The following RMI1 variants were observed in gnomAD, a reference collection of about 807,000 sequenced individuals.
RMI1 encodes RecQ mediated genome instability 1.
RMI1 carries 36 observed loss-of-function variants against 46.7 expected under a neutral mutation model. The observed-to-expected ratio is 0.77, with a 90% CI of 0.59 to 1.02. The LOEUF (loss-of-function observed/expected upper bound fraction) is 1.02, where lower values mean the gene tolerates loss of function less well. RMI1 is among the 50% of genes least tolerant of loss of function. The pLI is 0.00. For missense variants in RMI1, 676 were observed against 713.7 expected, an observed-to-expected ratio of 0.95 and a Z score of 0.60; for synonymous variants, 250 against 252.9, an observed-to-expected ratio of 0.99 and a Z score of 0.11.
intron 1 of RMI1, among the ~76,000 whole-genome samples, chr9:83,993,589 A>T (rs1347399008): frequency 6.6e-6 from 1 of 152,104 alleles, no homozygotes; most frequent in East Asian, 1.9e-4. Flanking sequence ...ACCATTTTAT[A>T]ATAATATTAA....
intron 1 of RMI1, among the ~76,000 whole-genome samples, chr9:83,986,179 C>T (rs1428732190): frequency 2.0e-5 from 3 of 152,192 alleles, no homozygotes; most frequent in Non-Finnish European, 4.4e-5. Flanking sequence ...AAAAGTAGTA[C>T]TTAACCGCAG....
At chr9:83,985,975 C>T (rs1017587868) in intron 1 of RMI1, among the ~76,000 whole-genome samples, 2 of 152,056 alleles carry the variant, frequency 1.3e-5, no homozygotes, top group Non-Finnish European at 2.9e-5. Context: ...CACCACCGCA[C>T]TCCAGCCTGG....
intron 1 of RMI1, among the ~76,000 whole-genome samples, chr9:83,983,611 A>T (rs890715014): frequency 2.0e-5 from 3 of 151,390 alleles, no homozygotes; most frequent in Non-Finnish European, 4.4e-5. Flanking sequence ...GCTTTTTATT[A>T]AAAAAAAATT....
intron 2 of RMI1, among the ~76,000 whole-genome samples, chr9:84,000,244 C>T (rs1011887235): frequency 6.6e-6 from 1 of 152,024 alleles, no homozygotes; most frequent in Non-Finnish European, 1.5e-5. Flanking sequence ...TCCCTTTCTC[C>T]GTGGTTTTGC....
Position 84,003,811 on chromosome 9 carries a change from G to A in RMI1, c.*947G>A. The A allele has an allele frequency of 6.0e-6, 1 of 167,020 alleles. No individual in the cohort carries two copies. The allele number at this position is 167,020 out of a possible 1,614,324, so 10.3% of individuals were successfully genotyped here. On this transcript the variant is annotated 3_prime_UTR_variant, in exon 3 of 3. Coordinates refer to ENST00000445877, the MANE Select transcript of RMI1 (RefSeq NM_001358291.2). ...ATCATTATTAAGATCCAGTAGGTAG[G>A]ACATTTATTGGATTAAAATGAAGCA...
chr9:83,997,273 A>T (rs1226323354), intron 1 of RMI1, among the ~76,000 whole-genome samples: 1 of 151,522 alleles, frequency 6.6e-6, no homozygotes, highest in Non-Finnish European at 1.5e-5. Context: ...CACCACACCC[A>T]GCTAATTTTG....
At position 84,002,025 on chromosome 9, in the gene RMI1, C is replaced by G. The variant is rs781655436; in HGVS notation, c.1039C>G (p.Arg347Gly). Residue 347 changes from arginine to glycine, a missense_variant, in exon 3 of 3, where the codon CGA (arginine) becomes GGA (glycine). Physicochemically the swap from Arg to Gly is moderately radical, Grantham distance 125. Transcript: ENST00000445877. ...ATTGACTTTTAACAGAAATGCCGAT[C>G]GAAGTATAGAGAGATTTTCACATAA... is the stretch of plus-strand genomic sequence containing the variant. Reference protein sequence around the residue: ...QPLTFNRNADRSIERFSHNPN... With the variant: ...QPLTFNRNADGSIERFSHNPN... 2.5e-6 allele frequency: 4 copies of G among 1,613,838 alleles called. No homozygotes were observed. Among genetic ancestry groups the G allele is most frequent in the Middle Eastern group, 1.7e-4 (1 of 6,058 alleles).
At position 84,002,566 on chromosome 9, in the gene RMI1, T is replaced by A. The variant is rs754990783; in HGVS notation, c.1580T>A (p.Ile527Asn). 16 of 1,613,882 alleles carry A rather than the reference T, an allele frequency of 9.9e-6. No homozygotes were observed. The highest frequency in any genetic ancestry group is 3.3e-5 in the Admixed American group (2 of 59,996). ...LTGNLSSSGGIWSITAKVSDG... is the reference protein window; with the variant it reads ...LTGNLSSSGGNWSITAKVSDG... ...GGAAATCTCTCAAGTTCTGGTGGTA[T>A]TTGGAGTATAACTGCAAAGGTGTCT... The change falls in exon 3 of 3, where the codon ATT becomes AAT. Residue 527 changes from isoleucine (I) to asparagine (N), a missense_variant. By Grantham distance (149) the Ile-to-Asn change is moderately radical. Coordinates refer to ENST00000445877, the MANE Select transcript of RMI1 (RefSeq NM_001358291.2).
chr9:83,993,827 G>A (rs536473966), intron 1 of RMI1, among the ~76,000 whole-genome samples: 5 of 151,702 alleles, frequency 3.3e-5, no homozygotes, highest in East Asian at 1.9e-4. Flanking sequence ...TTGCTTTGTC[G>A]CCCAGACTGG....
intron 1 of RMI1, among the ~76,000 whole-genome samples, chr9:83,988,830 A>G (rs1247822253): frequency 6.6e-6 from 1 of 151,916 alleles, no homozygotes; most frequent in African/African-American, 2.4e-5. Flanking sequence ...TCTTTGGTGA[A>G]GTTTCCATAT....
At chr9:83,983,779 A>G (rs1444651179) in intron 1 of RMI1, among the ~76,000 whole-genome samples, 4 of 152,146 alleles carry the variant, frequency 2.6e-5, no homozygotes, top group Non-Finnish European at 5.9e-5. Flanking sequence ...TTTATCATTC[A>G]TACAATGCTA....
At chr9:83,998,000 T>C (rs1195460741) in intron 1 of RMI1, among the ~76,000 whole-genome samples, 1 of 152,058 alleles carries the variant, frequency 6.6e-6, no homozygotes, top group African/African-American at 2.4e-5. Flanking sequence ...TCTTGCTTTG[T>C]TGCCCAGGCT....
At chr9:83,982,399 C>T (rs1957426828) in intron 1 of RMI1, among the ~76,000 whole-genome samples, 1 of 152,124 alleles carries the variant, frequency 6.6e-6, no homozygotes, top group African/African-American at 2.4e-5. Context: ...CACGGTGGCT[C>T]ACGCCTGTAA....
intron 1 of RMI1, among the ~76,000 whole-genome samples, chr9:83,997,992 T>G (rs1957683243): frequency 6.6e-6 from 1 of 151,944 alleles, no homozygotes; most frequent in Non-Finnish European, 1.5e-5. Context: ...AGATGGGATC[T>G]TGCTTTGTTG....
intron 1 of RMI1, among the ~76,000 whole-genome samples, chr9:83,983,599 T>G (rs1957449946): frequency 6.6e-6 from 1 of 152,146 alleles, no homozygotes; most frequent in African/African-American, 2.4e-5. Flanking sequence ...CACTCCTGCC[T>G]CGCTTTTTAT....
chr9:84,001,539 G>T lies in RMI1; in HGVS notation c.553G>T (p.Glu185Ter), dbSNP rs1276949863. Residue 185 changes from glutamate to a stop codon, truncating the protein, a stop_gained, in exon 3 of 3, where the codon GAA (glutamate) becomes TAA (stop). Coordinates refer to ENST00000445877, the MANE Select transcript of RMI1 (RefSeq NM_001358291.2). LOFTEE classifies it high-confidence loss of function. ...FRLGVLLLKP[E>*]NVKVLGGEVD... is the part of the protein sequence containing the mutation. The stretch of plus-strand genomic sequence containing the variant: ...TCTTGGTGTTCTCTTATTGAAACCA[G>T]AAAACGTGAAAGTGTTAGGAGGTGA... 1 of 1,613,728 alleles carries T rather than the reference G, an allele frequency of 6.2e-7. No homozygotes were observed. Among genetic ancestry groups the T allele is most frequent in the Admixed American group, 1.7e-5 (1 of 59,958 alleles).
At chr9:83,992,276 C>T (rs1230939311) in intron 1 of RMI1, among the ~76,000 whole-genome samples, 3 of 152,186 alleles carry the variant, frequency 2.0e-5, no homozygotes, top group Non-Finnish European at 4.4e-5. Flanking sequence ...AAAGACACCT[C>T]ATTTAATATA....
At chr9:83,990,432 G>A (rs779853434) in intron 1 of RMI1, among the ~76,000 whole-genome samples, 7 of 151,682 alleles carry the variant, frequency 4.6e-5, no homozygotes, top group Non-Finnish European at 7.4e-5. Context: ...ATCGCTTGAA[G>A]TCAGGAGGCG....
intron 1 of RMI1, among the ~76,000 whole-genome samples, chr9:83,994,217 T>A (rs1957617211): frequency 6.6e-6 from 1 of 152,178 alleles, no homozygotes; most frequent in Non-Finnish European, 1.5e-5. Context: ...TGATATGTGG[T>A]TTGCAAATAT....
Sources: allele counts gnomAD v4.1 joint callset (sites outside exome capture counted in the v4.1 genomes callset), GRCh38; gene constraint gnomAD v4.1.1; transcripts MANE v1.5; gene names NCBI Gene and HGNC (gene_info 2026-07-23, HGNC 2026-07-21).